The following ZP4 variants were observed in gnomAD, a reference collection of about 807,000 sequenced individuals.
ZP4 encodes zona pellucida sperm-binding protein 4.
A neutral mutation model predicts 62.3 loss-of-function variants in ZP4; 62 were observed. That is an observed-to-expected ratio of 0.99 (90% CI 0.81 to 1.23). ZP4 has a LOEUF of 1.23. Ranked by LOEUF, ZP4 falls within the 50% of genes most tolerant of loss-of-function variation. ZP4 has a pLI of 0.00. For synonymous variants in ZP4, 289 were observed against 247.3 expected (o/e 1.17, Z -1.58); for missense variants, 774 against 656.0 (o/e 1.18, Z -1.97).
intron 3 of ZP4, 91 bp downstream of exon 3, chr1:237,889,776 C>A: frequency 9.1e-7 from 1 of 1,094,612 alleles, no homozygotes. Context: ...TGTCAGGTGT[C>A]ACTGCACAGA....
intron 7 of ZP4, 37 bp downstream of exon 7, chr1:237,885,719 G>C (rs552544542): frequency 6.2e-7 from 1 of 1,611,144 alleles, no homozygotes; most frequent in East Asian, 2.2e-5. Context: ...ACTGGATTTA[G>C]ACTATAGGCC....
In ZP4 at chr1:237,885,871, G is replaced by A. The variant is rs569349043; in HGVS notation, c.855C>T (p.Cys285=). ...RDSIFRLHVS[C]SYSVSSNSLP... is the part of the protein sequence containing the mutation. Reference sequence around the variant, plus strand: ...GAGAGTTGCTACTTACTGAGTAGCTGCAGCTGACATGGAGCCTGCAGAGAA... The same window carrying A: ...GAGAGTTGCTACTTACTGAGTAGCTACAGCTGACATGGAGCCTGCAGAGAA... Residue 285 remains cysteine, a synonymous_variant, in exon 7 of 12, where the codon TGC becomes TGT. Coordinates refer to ENST00000366570, the MANE Select transcript of ZP4 (RefSeq NM_021186.5). The A allele has an allele frequency of 3.1e-6, 5 of 1,614,158 alleles. No individual in the cohort carries two copies. Among genetic ancestry groups the A allele is most frequent in the African/African-American group, 2.7e-5 (2 of 75,044 alleles).
chr1:237,890,413 A>G, intron 1 of ZP4, 48 bp downstream of exon 1: 1 of 1,575,458 alleles, frequency 6.3e-7, no homozygotes, highest in Non-Finnish European at 8.6e-7. Context: ...TAGGTAGTAG[A>G]GGAGACATAT....
chr1:237,882,896 G>A (rs750208401), intron 10 of ZP4, 50 bp from the exon 11 acceptor site: 3 of 1,521,148 alleles, frequency 2.0e-6, no homozygotes, highest in Admixed American at 1.7e-5. Flanking sequence ...CACACATAGG[G>A]CAGGGATAGA....
At position 237,885,838 on chromosome 1, in the gene ZP4, G is replaced by C. The variant is rs1665089403; in HGVS notation, c.888C>G (p.Ile296Met). The C allele has an allele frequency of 3.7e-6, 6 of 1,614,186 alleles. No individual in the cohort carries two copies. The Admixed American group carries it at 6.7e-5, about 18-fold the overall frequency. ...SYSVSSNSLP[I>M]NVQVFTLPPP... is the part of the protein sequence containing the mutation. ...GTGGGAGAGTGAAAACCTGGACATT[G>C]ATTGGGAGAGAGTTGCTACTTACTG... Residue 296 changes from isoleucine (I) to methionine (M), a missense_variant, in exon 7 of 12, where the codon ATC (isoleucine) becomes ATG (methionine). By Grantham distance (10) the Ile-to-Met change is conservative. Transcript: ENST00000366570.
At position 237,890,539 on chromosome 1, in the gene ZP4, G is replaced by A. The variant is rs1409539493; in HGVS notation, c.97C>T (p.His33Tyr). Residue 33 changes from histidine (H) to tyrosine (Y), a missense_variant, in exon 1 of 12, where the codon CAC becomes TAC. By Grantham distance (83) the His-to-Tyr change is moderately conservative. Coordinates refer to ENST00000366570, the MANE Select transcript of ZP4 (RefSeq NM_021186.5). Reference sequence around the variant, plus strand: ...AACTGGAAGCTCCACGGCCCACAGTGGAGCACACTGGAATAATCTGGTGCC... The same window carrying A: ...AACTGGAAGCTCCACGGCCCACAGTAGAGCACACTGGAATAATCTGGTGCC... ...PEAPDYSSVL[H>Y]CGPWSFQFAV... The A allele has an allele frequency of 5.0e-6, 8 of 1,613,970 alleles. No individual in the cohort carries two copies. The highest frequency in any genetic ancestry group is 5.9e-6 in the Non-Finnish European group (7 of 1,180,040).
rs1183479394 is a variant in ZP4, at chr1:237,890,056, C to T, written c.296G>A (p.Trp99Ter). The T allele has an allele frequency of 6.2e-7, 1 of 1,614,050 alleles. No homozygotes were observed. The change falls in exon 2 of 12, where the codon TGG becomes TAG. Residue 99 changes from tryptophan (W) to a stop codon, truncating the protein, a stop_gained and splice_region_variant. Transcript: ENST00000366570. LOFTEE classifies it high-confidence loss of function. ...ATYSSCYVTEWDSHYIMPVGV... is the reference protein window; with the variant it reads ...ATYSSCYVTE ...CCCTGGCCATTGGGTCATACTCACCCACTCAGTGACATAGCAGCTGCTATA... is the reference window on the plus strand; with the variant it reads ...CCCTGGCCATTGGGTCATACTCACCTACTCAGTGACATAGCAGCTGCTATA...
rs926433410 is a variant in ZP4, at chr1:237,885,325, G to T, written c.1161-10C>A. 2.5e-6 allele frequency: 4 copies of T among 1,613,674 alleles called. No individual in the cohort carries two copies. In the Admixed American group the frequency reaches 6.7e-5, roughly 27 times the overall value. ...TCCAATGTAGGGGCAGCTAGACCAAGAGACCCAGCAGTCAGGATGGGCTTC... is the reference window on the plus strand; with the variant it reads ...TCCAATGTAGGGGCAGCTAGACCAATAGACCCAGCAGTCAGGATGGGCTTC... On this transcript the variant is annotated splice_polypyrimidine_tract_variant and intron_variant, in intron 8 of 11. Transcript: ENST00000366570.
At chr1:237,887,069 T>C (rs538867240) in intron 5 of ZP4, among the ~76,000 whole-genome samples, 263 of 152,274 alleles carry the variant, frequency 1.7e-3, no homozygotes, top group Non-Finnish European at 3.2e-3. Flanking sequence ...AAGAAGGAAT[T>C]TGAGCACCTA....
intron 10 of ZP4, among the ~76,000 whole-genome samples, chr1:237,884,347 C>G (rs1051484261): frequency 2.0e-5 from 3 of 152,158 alleles, no homozygotes; most frequent in African/African-American, 7.2e-5. Context: ...GACACATTGA[C>G]TACTTAGAAG....
At chr1:237,889,779 T>A (rs911653280) in intron 3 of ZP4, 88 bp downstream of exon 3, 16 of 1,151,166 alleles carry the variant, frequency 1.4e-5, no homozygotes, top group Non-Finnish European at 2.1e-5. Context: ...CAGGTGTCAC[T>A]GCACAGAGCA....
chr1:237,883,763 G>GAGAGAGAGGA (rs1183885257), intron 10 of ZP4, among the ~76,000 whole-genome samples: 686 of 44,154 alleles, frequency 0.016, 72 homozygotes, highest in African/African-American at 0.025. Context: ...GAGAGAGAGG[G>GAGAGAGAGGA]AGAGAGAGGA....
intron 6 of ZP4, among the ~76,000 whole-genome samples, chr1:237,886,333 T>A (rs566677042): frequency 5.9e-5 from 9 of 152,052 alleles, no homozygotes; most frequent in African/African-American, 2.2e-4. Flanking sequence ...GTGAACAGGC[T>A]GGAGATGAAG....
chr1:237,885,709 A>T (rs566703510), intron 7 of ZP4, 47 bp downstream of exon 7: 1 of 1,607,692 alleles, frequency 6.2e-7, no homozygotes, highest in South Asian at 1.1e-5. Context: ...GCCCCAGAAG[A>T]CTGGATTTAG....
rs1310724626 is a variant in ZP4, at chr1:237,890,761, C to T, written c.-126G>A. 9.0e-7 allele frequency: 1 copy of T among 1,109,490 alleles called. No individual in the cohort carries two copies. Among genetic ancestry groups the T allele is most frequent in the Non-Finnish European group, 1.3e-6 (1 of 792,560 alleles). The allele number at this position is 1,109,490 out of a possible 1,614,324, so 68.7% of individuals were successfully genotyped here. A position where few individuals can be genotyped will look rare whatever the true frequency, so the allele number is the denominator to read the frequency against. ...TGTTTTCAGCTGCACATCTTTGTGACACTCAGGTGGGATGCCTTCAGAAAG... is the reference window on the plus strand; with the variant it reads ...TGTTTTCAGCTGCACATCTTTGTGATACTCAGGTGGGATGCCTTCAGAAAG... On this transcript the variant is annotated 5_prime_UTR_variant, in exon 1 of 12. Coordinates refer to ENST00000366570, the MANE Select transcript of ZP4 (RefSeq NM_021186.5).
In ZP4 at chr1:237,890,439, C is replaced by T. The variant is rs201973802; in HGVS notation, c.175+22G>A. ...GGAGACATATCATTGCTTGGCTAAG[C>T]AAGGCAAGTCATCAAACTTACCCCA... On this transcript the variant is annotated intron_variant, in intron 1 of 11. Transcript: ENST00000366570. 276 of 1,595,710 alleles carry T rather than the reference C, an allele frequency of 1.7e-4. No homozygotes were observed. In the African/African-American group the frequency reaches 3.3e-3, roughly 19 times the overall value.
At chr1:237,884,960 C>T (rs1665060614) in intron 9 of ZP4, 113 bp from the exon 10 acceptor site, 1 of 1,281,996 alleles carries the variant, frequency 7.8e-7, no homozygotes, top group Non-Finnish European at 1.1e-6. Flanking sequence ...TTGATATGGT[C>T]CAAGTTGATA....
At position 237,883,750 on chromosome 1, in the gene ZP4, AG is replaced by A. The variant is rs1305324749; in HGVS notation, c.1391-905del. On this transcript the variant is annotated intron_variant, in intron 10 of 11. Coordinates refer to ENST00000366570, the MANE Select transcript of ZP4 (RefSeq NM_021186.5). The stretch of plus-strand genomic sequence containing the variant: ...GGGGGAGGGAGAGAGAGGGAGAGAG[AG>A]GGAGAGAGAGGGAGAGAGAGGAAGA... 6.3e-4 allele frequency among the ~76,000 whole-genome samples: 76 copies of A among 119,976 alleles called. 4 individuals are homozygous for A. Among genetic ancestry groups the A allele is most frequent in the African/African-American group, 1.1e-3 (34 of 29,908 alleles). The allele number at this position is 119,976 out of a possible 152,430, so 78.7% of individuals were successfully genotyped here.
At position 237,888,552 on chromosome 1, in the gene ZP4, A is replaced by C. The variant is rs147487077; in HGVS notation, c.401-42T>G. ...AGTAAGTCAGGTTAGATAATGGAAA[A>C]GTTAGTCTTGAATACCATTTTGATA... On this transcript the variant is annotated intron_variant, in intron 3 of 11. Coordinates refer to ENST00000366570, the MANE Select transcript of ZP4 (RefSeq NM_021186.5). 1,120 of 1,549,402 alleles carry C rather than the reference A, an allele frequency of 7.2e-4. 8 individuals carry two copies. The African/African-American group carries it at 0.014, about 19-fold the overall frequency.
Sources: allele counts gnomAD v4.1 joint callset (sites outside exome capture counted in the v4.1 genomes callset), GRCh38; gene constraint gnomAD v4.1.1; transcripts MANE v1.5; gene names NCBI Gene and HGNC (gene_info 2026-07-23, HGNC 2026-07-21).